The following TNIP3 variants were observed in gnomAD, a reference collection of about 807,000 sequenced individuals.
TNIP3 encodes TNFAIP3 interacting protein 3.
A neutral mutation model predicts 54.1 loss-of-function variants in TNIP3; 34 were observed. The ratio of observed to expected loss-of-function variants is 0.63; its 90% confidence interval spans 0.48 to 0.84. The LOEUF (loss-of-function observed/expected upper bound fraction) is 0.84, where lower values mean the gene tolerates loss of function less well. TNIP3 is among the 40% of genes least tolerant of loss of function. TNIP3 has a pLI of 0.00. For missense variants in TNIP3, 366 were observed against 387.6 expected, an observed-to-expected ratio of 0.94 and a Z score of 0.47; for synonymous variants, 134 against 136.8, an observed-to-expected ratio of 0.98 and a Z score of 0.14.
At position 121,210,188 on chromosome 4, in the gene TNIP3, G is replaced by A. The variant is rs182140189; in HGVS notation, c.68+6227C>T. Reference sequence around the variant, plus strand: ...TAGGTATGAGGTGCCCTGAGCCCATGGATGAAAAGGTATTTCACCATCCTT... The same window carrying A: ...TAGGTATGAGGTGCCCTGAGCCCATAGATGAAAAGGTATTTCACCATCCTT... On this transcript the variant is annotated intron_variant, in intron 2 of 12. Coordinates refer to the TNIP3 transcript ENST00000507879. Among the ~76,000 whole-genome samples, 505 of 152,136 alleles carry A rather than the reference G, an allele frequency of 3.3e-3. 4 individuals carry two copies. The highest frequency in any genetic ancestry group is 6.2e-3 in the Admixed American group (94 of 15,276).
chr4:121,218,685 A>G (rs1726906464), upstream of TNIP3, among the ~76,000 whole-genome samples: 1 of 151,554 alleles, frequency 6.6e-6, no homozygotes, highest in Non-Finnish European at 1.5e-5. Context: ...TACCCAAGCT[A>G]GAGTTCAGTG....
chr4:121,135,573 T>C (rs1728732442), intron 10 of TNIP3, among the ~76,000 whole-genome samples: 2 of 151,976 alleles, frequency 1.3e-5, no homozygotes, highest in Admixed American at 6.6e-5. Context: ...AATTTTTGTA[T>C]TTTTTTGTAG....
upstream of TNIP3, among the ~76,000 whole-genome samples, chr4:121,166,045 T>C (rs139673141): frequency 4.9e-4 from 74 of 152,340 alleles, no homozygotes; most frequent in Non-Finnish European, 3.1e-4. Flanking sequence ...TGTGGTAACA[T>C]TGACCTAGAA....
intron 1 of TNIP3, among the ~76,000 whole-genome samples, 175 bp from the exon 2 acceptor site, chr4:121,161,391 G>A (rs902536038): frequency 5.9e-5 from 9 of 152,260 alleles, no homozygotes; most frequent in Non-Finnish European, 1.2e-4. Context: ...GCTGGTGGAT[G>A]AGTCAGCTTC....
chr4:121,166,389 A>G (rs554290480), upstream of TNIP3, among the ~76,000 whole-genome samples: 3 of 152,332 alleles, frequency 2.0e-5, no homozygotes, highest in East Asian at 5.8e-4. Flanking sequence ...TTTCTGTTAC[A>G]TATGCTCTGT....
intron 2 of TNIP3, chr4:121,192,941 C>T (rs1042390014): frequency 1.1e-4 from 17 of 152,100 alleles, no homozygotes; most frequent in African/African-American, 4.1e-4. Context: ...TTTTAAGTTG[C>T]AATCATTGTT....
chr4:121,189,799 G>A (rs1183580455), intron 2 of TNIP3, among the ~76,000 whole-genome samples: 1 of 152,180 alleles, frequency 6.6e-6, no homozygotes, highest in African/African-American at 2.4e-5. Flanking sequence ...AGAATAGGGT[G>A]GGGAATGTTT....
At chr4:121,154,766 C>T in intron 4 of TNIP3, 87 bp from the exon 5 acceptor site, 1 of 1,308,534 alleles carries the variant, frequency 7.6e-7, no homozygotes, top group East Asian at 2.5e-5. Flanking sequence ...TCAGCCATGG[C>T]AGGCAGATTG....
intron 2 of TNIP3, among the ~76,000 whole-genome samples, chr4:121,197,626 T>C (rs944889945): frequency 1.3e-5 from 2 of 149,942 alleles, no homozygotes; most frequent in Non-Finnish European, 3.0e-5. Flanking sequence ...TCGAAGAGAG[T>C]AATGAGAAAG....
upstream of TNIP3, chr4:121,216,775 G>A (rs1272767539): frequency 5.8e-6 from 3 of 518,334 alleles, no homozygotes; most frequent in East Asian, 4.6e-5. Context: ...TTGTCCAGGA[G>A]CAAGTAAAAG....
chr4:121,169,392 C>T (rs144134024), intron 3 of TNIP3, among the ~76,000 whole-genome samples: 124 of 152,298 alleles, frequency 8.1e-4, no homozygotes, highest in Middle Eastern at 6.8e-3. Context: ...CTTGGCCTCC[C>T]AATTTAAAAT....
intron 10 of TNIP3, among the ~76,000 whole-genome samples, 191 bp from the exon 11 acceptor site, chr4:121,132,853 G>A (rs925350724): frequency 6.6e-6 from 1 of 151,862 alleles, no homozygotes; most frequent in African/African-American, 2.4e-5. Context: ...TTTAAGCATT[G>A]ACATATGCTT....
upstream of TNIP3, among the ~76,000 whole-genome samples, chr4:121,217,375 A>G (rs1300224033): frequency 1.3e-5 from 2 of 152,220 alleles, no homozygotes; most frequent in Non-Finnish European, 2.9e-5. Flanking sequence ...ACCAAAAAAA[A>G]AAGTTTGTTA....
At chr4:121,200,729 C>T (rs1404947697) in intron 2 of TNIP3, among the ~76,000 whole-genome samples, 1 of 152,006 alleles carries the variant, frequency 6.6e-6, no homozygotes, top group Non-Finnish European at 1.5e-5. Context: ...TCAACAGATT[C>T]TTTGTTGTTG....
At chr4:121,206,884 G>A (rs1461952770) in intron 2 of TNIP3, among the ~76,000 whole-genome samples, 2 of 151,966 alleles carry the variant, frequency 1.3e-5, no homozygotes, top group East Asian at 3.9e-4. Context: ...TTTCTTTCTT[G>A]CACTAAGCTC....
At chr4:121,145,405 C>T (rs1314902201) in intron 7 of TNIP3, among the ~76,000 whole-genome samples, 1 of 152,002 alleles carries the variant, frequency 6.6e-6, no homozygotes, top group South Asian at 2.1e-4. Flanking sequence ...CAGAATTATA[C>T]CATACTGCAT....
chr4:121,189,795 G>C (rs918875082), intron 2 of TNIP3, among the ~76,000 whole-genome samples: 1 of 152,184 alleles, frequency 6.6e-6, no homozygotes, highest in Non-Finnish European at 1.5e-5. Flanking sequence ...CCAGAGAATA[G>C]GGTGGGGAAT....
At chr4:121,205,116 G>A (rs1317321207) in intron 2 of TNIP3, among the ~76,000 whole-genome samples, 6 of 152,186 alleles carry the variant, frequency 3.9e-5, no homozygotes, top group Non-Finnish European at 8.8e-5. Flanking sequence ...ATAGAGCAAT[G>A]TAAGTGGAAT....
At chr4:121,225,800 C>T (rs969249343) in intron 1 of TNIP3, among the ~76,000 whole-genome samples, 2 of 152,084 alleles carry the variant, frequency 1.3e-5, no homozygotes, top group South Asian at 2.1e-4. Context: ...GACAAGGAGG[C>T]CCCCAGGACT....
Sources: allele counts gnomAD v4.1 joint callset (sites outside exome capture counted in the v4.1 genomes callset), GRCh38; gene constraint gnomAD v4.1.1; transcripts MANE v1.5; gene names NCBI Gene and HGNC (gene_info 2026-07-23, HGNC 2026-07-21).